TNNI3K: variants seen among roughly 807,000 people sequenced by gnomAD.
TNNI3K encodes the protein TNNI3 interacting kinase.
Under a neutral mutation model 114.5 loss-of-function variants are expected in TNNI3K, and 140 were observed. The observed-to-expected ratio is 1.22, with a 90% CI of 1.07 to 1.41. The LOEUF is 1.41. Among genes scored for constraint, TNNI3K ranks in the 40% most tolerant of loss-of-function variants. The pLI is 0.00. For synonymous variants in TNNI3K, 347 were observed against 347.5 expected (o/e 1.00, Z 0.02); for missense variants, 1,125 against 1,007.6 (o/e 1.12, Z -1.58).
intron 17 of TNNI3K, among the ~76,000 whole-genome samples, chr1:74,402,225 A>G (rs758631521): frequency 2.0e-5 from 3 of 152,142 alleles, no homozygotes; most frequent in Non-Finnish European, 4.4e-5. Flanking sequence ...GGGCGGTAGT[A>G]AGAAGTTATT....
At chr1:74,465,498 C>T (rs1049036571) in intron 21 of TNNI3K, among the ~76,000 whole-genome samples, 2 of 152,222 alleles carry the variant, frequency 1.3e-5, no homozygotes, top group African/African-American at 4.8e-5. Flanking sequence ...CCTCCCCACA[C>T]GGCAGGGCTT....
intron 23 of TNNI3K, among the ~76,000 whole-genome samples, chr1:74,518,545 C>T (rs796640456): frequency 4.6e-5 from 7 of 152,220 alleles, no homozygotes; most frequent in African/African-American, 1.7e-4. Context: ...GTTCCCACTG[C>T]TTACAGATCT....
At chr1:74,258,953 A>T (rs1337302823) in intron 4 of TNNI3K, among the ~76,000 whole-genome samples, 1 of 152,252 alleles carries the variant, frequency 6.6e-6, no homozygotes, top group Non-Finnish European at 1.5e-5. Context: ...ATCTAGGTCT[A>T]CATATTGTGG....
chr1:74,290,626 A>T (rs997060919), intron 5 of TNNI3K, among the ~76,000 whole-genome samples: 1 of 151,866 alleles, frequency 6.6e-6, no homozygotes, highest in Admixed American at 6.6e-5. Flanking sequence ...TTATACATTG[A>T]CATGAAAAGA....
At chr1:74,535,797 G>A (rs1557634518) in intron 23 of TNNI3K, among the ~76,000 whole-genome samples, 3 of 152,232 alleles carry the variant, frequency 2.0e-5, no homozygotes, top group South Asian at 4.1e-4. Context: ...GTCAGTTGTC[G>A]ATATTCAGTC....
rs984723450 is a variant in TNNI3K at position 74,368,841 on chromosome 1, G to T, written c.1322-181G>T. The T allele has an allele frequency of 5.5e-6, 3 of 542,200 alleles. No individual in the cohort carries two copies. The South Asian group carries it at 9.0e-5, about 16-fold the overall frequency. The allele number at this position is 542,200 out of a possible 1,614,324, so 33.6% of individuals were successfully genotyped here. The stretch of plus-strand genomic sequence containing the variant: ...AGAACTAACATGATTTTAATGCAGG[G>T]GGGTAGGGATCATTTGGGTTAAGGT... On this transcript the variant is annotated intron_variant, in intron 13 of 24. Transcript: ENST00000326637.
chr1:74,515,042 C>T (rs1646329360), intron 23 of TNNI3K, among the ~76,000 whole-genome samples: 1 of 152,142 alleles, frequency 6.6e-6, no homozygotes, highest in Non-Finnish European at 1.5e-5. Context: ...AGGATCGTAG[C>T]CCTCACCAGA....
intron 23 of TNNI3K, among the ~76,000 whole-genome samples, chr1:74,536,865 A>T (rs74095333): frequency 0.041 from 6,246 of 152,162 alleles, 408 homozygotes; most frequent in African/African-American, 0.14. Flanking sequence ...CTGTATTTTC[A>T]CTGACCACAA....
chr1:74,375,494 C>T (rs1330320686), intron 17 of TNNI3K: 1 of 440,630 alleles, frequency 2.3e-6, no homozygotes, highest in Non-Finnish European at 4.6e-6. Context: ...AGATTAGAAA[C>T]CTCCCCAGAT....
chr1:74,363,505 A>G (rs1662087673), intron 11 of TNNI3K, among the ~76,000 whole-genome samples: 2 of 152,104 alleles, frequency 1.3e-5, no homozygotes, highest in African/African-American at 4.8e-5. Context: ...AAAACTGCTC[A>G]GAGCAAGTGG....
At chr1:74,361,113 T>C (rs1467652163) in intron 11 of TNNI3K, among the ~76,000 whole-genome samples, 1 of 152,156 alleles carries the variant, frequency 6.6e-6, no homozygotes, top group Non-Finnish European at 1.5e-5. Flanking sequence ...GTAAATATCA[T>C]AGGTTCCTTA....
chr1:74,388,657 T>C (rs1663611941), intron 17 of TNNI3K, among the ~76,000 whole-genome samples: 1 of 152,116 alleles, frequency 6.6e-6, no homozygotes, highest in African/African-American at 2.4e-5. Flanking sequence ...TTTAACTTTA[T>C]ATTTATTTAT....
chr1:74,404,758 T>A (rs1664534490), intron 17 of TNNI3K, among the ~76,000 whole-genome samples: 1 of 152,176 alleles, frequency 6.6e-6, no homozygotes, highest in African/African-American at 2.4e-5. Context: ...ATGAATCTCC[T>A]ATAATTGTGG....
chr1:74,362,352 T>A (rs1279256604), intron 11 of TNNI3K, among the ~76,000 whole-genome samples: 1 of 152,118 alleles, frequency 6.6e-6, no homozygotes, highest in Non-Finnish European at 1.5e-5. Context: ...ATGTGAGACA[T>A]GAGGTCAATG....
At chr1:74,283,270 G>T (rs562897146) in intron 5 of TNNI3K, among the ~76,000 whole-genome samples, 114 of 152,212 alleles carry the variant, frequency 7.5e-4, no homozygotes, top group African/African-American at 2.7e-3. Context: ...CTATGTTACA[G>T]AATACTCCTT....
chr1:74,240,733 T>G (rs1217584358), intron 2 of TNNI3K: 1 of 152,094 alleles, frequency 6.6e-6, no homozygotes, highest in African/African-American at 2.4e-5. Context: ...ATATGAAATT[T>G]AAAACCATGA....
intron 9 of TNNI3K, among the ~76,000 whole-genome samples, chr1:74,351,128 T>C (rs1251325722): frequency 6.6e-6 from 1 of 151,878 alleles, no homozygotes. Context: ...CCATGTTTAG[T>C]GCTTCCTTCA....
At position 74,331,607 on chromosome 1, in the gene TNNI3K, G is replaced by A. The variant is rs191553836; in HGVS notation, c.543+59G>A. The A allele has an allele frequency of 5.3e-4, 762 of 1,451,150 alleles. 4 individuals carry two copies. In the African/African-American group the frequency reaches 9.8e-3, roughly 19 times the overall value. The allele number at this position is 1,451,150 out of a possible 1,614,324, so 89.9% of individuals were successfully genotyped here. On this transcript the variant is annotated intron_variant, in intron 6 of 24. Transcript: ENST00000326637. ...TGTTGCTTAAGTGTAGGCTTTTGTTGAATTGTCCTAGCTTCAAAGAGTTTA... is the reference window on the plus strand; with the variant it reads ...TGTTGCTTAAGTGTAGGCTTTTGTTAAATTGTCCTAGCTTCAAAGAGTTTA...
At chr1:74,505,859 G>A (rs1019239709) in intron 23 of TNNI3K, among the ~76,000 whole-genome samples, 4 of 152,190 alleles carry the variant, frequency 2.6e-5, no homozygotes, top group Admixed American at 1.3e-4. Flanking sequence ...TGTGATATTA[G>A]CTGAACATTT....
Sources: gnomAD v4.1 joint callset for allele counts (sites outside exome capture counted in the v4.1 genomes callset) on GRCh38, gnomAD v4.1.1 for gene constraint, MANE v1.5 for transcripts, NCBI Gene and HGNC (gene_info 2026-07-23, HGNC 2026-07-21) for gene names.